PAPPA2: variants seen among roughly 807,000 people sequenced by gnomAD.
PAPPA2 encodes pappalysin 2.
PAPPA2 carries 86 observed loss-of-function variants against 176.4 expected under a neutral mutation model. The observed-to-expected ratio is 0.49, with a 90% confidence interval of 0.41 to 0.58. PAPPA2 has a LOEUF of 0.58. Among genes scored for constraint, PAPPA2 ranks in the 20% least tolerant of loss-of-function variants. The pLI, the probability that PAPPA2 is intolerant of heterozygous loss-of-function variation, is 0.00. For synonymous variants in PAPPA2, 809 were observed against 852.2 expected (o/e 0.95, Z 0.88); for missense variants, 2,073 against 2,256.9 (o/e 0.92, Z 1.65).
intron 1 of PAPPA2, among the ~76,000 whole-genome samples, chr1:176,497,563 A>G (rs1189422281): frequency 6.6e-6 from 1 of 152,236 alleles, no homozygotes. Context: ...GTGTTTTTAA[A>G]AATAATGAGC....
chr1:176,603,053 A>G (rs1173891243), intron 3 of PAPPA2, among the ~76,000 whole-genome samples: 22 of 152,136 alleles, frequency 1.4e-4, no homozygotes, highest in Admixed American at 1.4e-3. Context: ...GTTTATTTCT[A>G]GCCAAATAGA....
At chr1:176,475,690 A>T (rs1458413555) in intron 1 of PAPPA2, among the ~76,000 whole-genome samples, 2 of 152,214 alleles carry the variant, frequency 1.3e-5, no homozygotes, top group Non-Finnish European at 1.5e-5. Flanking sequence ...TGGGCCAAGA[A>T]AATAACCCAA....
intron 1 of PAPPA2, among the ~76,000 whole-genome samples, chr1:176,536,714 A>C (rs144131379): frequency 1.3e-5 from 2 of 152,320 alleles, no homozygotes; most frequent in Non-Finnish European, 2.9e-5. Context: ...CCAATCTTGC[A>C]TGCACTTTTC....
intron 1 of PAPPA2, among the ~76,000 whole-genome samples, chr1:176,501,942 G>T (rs112768496): frequency 7.4e-4 from 113 of 152,246 alleles, no homozygotes; most frequent in African/African-American, 2.5e-3. Flanking sequence ...TGGCATAGTT[G>T]CTAAGAAAAG....
At chr1:176,623,593 TCCTTCCTTC>T (rs1655729725) in intron 3 of PAPPA2, among the ~76,000 whole-genome samples, 1 of 144,324 alleles carries the variant, frequency 6.9e-6, no homozygotes, top group African/African-American at 2.5e-5. Flanking sequence ...CTTCCTTCCT[TCCTTCCTTC>T]CTTCCTTCCT....
intron 1 of PAPPA2, among the ~76,000 whole-genome samples, chr1:176,542,864 G>A (rs1050196058): frequency 1.3e-5 from 2 of 152,140 alleles, no homozygotes; most frequent in Admixed American, 6.6e-5. Context: ...CATGAACCAC[G>A]TTTCATCAGT....
intron 2 of PAPPA2, among the ~76,000 whole-genome samples, chr1:176,560,405 C>G (rs759110336): frequency 2.6e-5 from 4 of 152,232 alleles, no homozygotes; most frequent in Non-Finnish European, 5.9e-5. Context: ...CTGAACGTCT[C>G]TCTGGCCCTC....
intron 21 of PAPPA2, among the ~76,000 whole-genome samples, chr1:176,839,331 C>A (rs1667394284): frequency 6.6e-6 from 1 of 152,194 alleles, no homozygotes; most frequent in Non-Finnish European, 1.5e-5. Context: ...CAACTTGTTG[C>A]TGTTCTTATT....
intron 17 of PAPPA2, among the ~76,000 whole-genome samples, chr1:176,788,872 T>C (rs1374937269): frequency 1.3e-5 from 2 of 152,230 alleles, no homozygotes; most frequent in East Asian, 1.9e-4. Context: ...GTTCAGAATC[T>C]CTGTTTTAAA....
chr1:176,788,729 A>G (rs569929650), intron 17 of PAPPA2, among the ~76,000 whole-genome samples: 22 of 152,332 alleles, frequency 1.4e-4, no homozygotes, highest in African/African-American at 4.6e-4. Flanking sequence ...AGGAGGACCA[A>G]TTCTTCCAGG....
chr1:176,752,806 T>C (rs940184297), intron 14 of PAPPA2, among the ~76,000 whole-genome samples: 2 of 152,238 alleles, frequency 1.3e-5, no homozygotes, highest in African/African-American at 4.8e-5. Context: ...TGACTTACTC[T>C]GGCTGCCTGG....
rs558856345 is a variant in PAPPA2 at position 176,557,338 on chromosome 1, C to T, written c.919+97C>T. 5.0e-6 allele frequency: 7 copies of T among 1,387,934 alleles called. No individual in the cohort carries two copies. The Admixed American group carries it at 1.8e-4, about 37-fold the overall frequency. The allele number at this position is 1,387,934 out of a possible 1,614,324, so 86.0% of individuals were successfully genotyped here. A position where few individuals can be genotyped will look rare whatever the true frequency, so the allele number is the denominator to read the frequency against. ...AGGGAGCGAGGATGGGAAGGGGACC[C>T]AACAGGAAAGCCAGAAAGGGCTAGC... On this transcript the variant is annotated intron_variant, in intron 2 of 22. Transcript: ENST00000367662.
At chr1:176,599,195 A>G (rs535667681) in intron 3 of PAPPA2, among the ~76,000 whole-genome samples, 2 of 152,032 alleles carry the variant, frequency 1.3e-5, no homozygotes, top group South Asian at 2.1e-4. Context: ...ATGTACATAT[A>G]TATATATACA....
intron 3 of PAPPA2, among the ~76,000 whole-genome samples, chr1:176,600,450 G>A (rs1165509164): frequency 6.6e-6 from 1 of 151,900 alleles, no homozygotes; most frequent in Non-Finnish European, 1.5e-5. Context: ...GCCGAGGCGG[G>A]CGGATCACGA....
Position 176,655,149 on chromosome 1 carries a change from A to G in PAPPA2, c.1992-15821A>G, listed in dbSNP as rs539171507. Among the ~76,000 whole-genome samples, 4 of 151,946 alleles carry G rather than the reference A, an allele frequency of 2.6e-5. 1 individual carries two copies. The highest frequency in any genetic ancestry group is 1.3e-4 in the Admixed American group (2 of 15,226). On this transcript the variant is annotated intron_variant, in intron 3 of 22. Coordinates refer to ENST00000367662, the MANE Select transcript of PAPPA2 (RefSeq NM_020318.3). The stretch of plus-strand genomic sequence containing the variant: ...AAAGTGGGCAACCTTGTCTTGTTCC[A>G]CTTGTTGAAAGGAATGCTTTCAACT...
chr1:176,708,529 G>GGAGAGAGAGAGA (rs1177495946), intron 10 of PAPPA2, among the ~76,000 whole-genome samples: 1 of 71,670 alleles, frequency 1.4e-5, no homozygotes, highest in African/African-American at 4.4e-5. Flanking sequence ...ATACGTACAT[G>GGAGAGAGAGAGA]TAGAGAGAGA....
intron 3 of PAPPA2, among the ~76,000 whole-genome samples, chr1:176,634,799 G>GAGAGAGATAGATAGAT (rs1396094505): frequency 4.1e-4 from 49 of 120,242 alleles, no homozygotes; most frequent in African/African-American, 1.5e-3. Flanking sequence ...TCCAAGGAGA[G>GAGAGAGATAGATAGAT]AGATAGATAG....
intron 3 of PAPPA2, among the ~76,000 whole-genome samples, chr1:176,629,718 T>C (rs1434669843): frequency 1.3e-5 from 2 of 152,166 alleles, no homozygotes; most frequent in Non-Finnish European, 2.9e-5. Flanking sequence ...TATTCTTTAA[T>C]AAACAAGTGT....
chr1:176,801,202 T>C (rs997291509), intron 21 of PAPPA2, among the ~76,000 whole-genome samples: 2 of 151,774 alleles, frequency 1.3e-5, no homozygotes, highest in South Asian at 2.1e-4. Context: ...GGTTTTGTCA[T>C]CCATATCTCA....
Sources: allele counts gnomAD v4.1 joint callset (sites outside exome capture counted in the v4.1 genomes callset), GRCh38; gene constraint gnomAD v4.1.1; transcripts MANE v1.5; gene names NCBI Gene and HGNC (gene_info 2026-07-23, HGNC 2026-07-21).